IL22: variants seen among roughly 807,000 people sequenced by gnomAD.
IL22 encodes the protein interleukin 22.
In IL22, 15 loss-of-function variants were observed where a neutral mutation model predicts 15.5. The ratio of observed to expected loss-of-function variants is 0.97; its 90% confidence interval spans 0.65 to 1.49. The LOEUF (loss-of-function observed/expected upper bound fraction) is 1.49, where lower values mean the gene tolerates loss of function less well. Ranked by LOEUF, IL22 falls within the 40% of genes most tolerant of loss-of-function variation. IL22 has a pLI of 0.00. For missense variants in IL22, 225 were observed against 215.4 expected, an observed-to-expected ratio of 1.04 and a Z score of -0.28; for synonymous variants, 91 against 82.0, an observed-to-expected ratio of 1.11 and a Z score of -0.60.
At chr12:68,250,217 C>T (rs1869880246) in intron 5 of IL22, among the ~76,000 whole-genome samples, 1 of 152,208 alleles carries the variant, frequency 6.6e-6, no homozygotes, top group South Asian at 2.1e-4. Flanking sequence ...GAAAATCACA[C>T]AGATCACCAT....
At position 68,251,559 on chromosome 12, in the gene IL22, A is replaced by G. The variant is rs1180003778; in HGVS notation, c.416T>C (p.Leu139Pro). Reference protein sequence around the residue: ...LSTCHIEGDDLHIQRNVQKLK... With the variant: ...LSTCHIEGDDPHIQRNVQKLK... ...CTTTTGCACATTCCTCTGGATATGC[A>G]GGTCATCACCTTCAATATGCTATAA... is the stretch of plus-strand genomic sequence containing the variant. The change falls in exon 5 of 6, where the codon CTG becomes CCG. Residue 139 changes from leucine to proline, a missense_variant. Coordinates refer to ENST00000538666, the MANE Select transcript of IL22 (RefSeq NM_020525.5). 5.0e-6 allele frequency: 8 copies of G among 1,612,346 alleles called. No individual in the cohort carries two copies. In the African/African-American group the frequency reaches 1.1e-4, roughly 22 times the overall value.
At position 68,253,346 on chromosome 12, in the gene IL22, G is replaced by A; in HGVS notation, c.103C>T (p.Pro35Ser). Residue 35 changes from proline to serine, a missense_variant, in exon 2 of 6, where the codon CCC becomes TCC. Physicochemically the swap from Pro to Ser is moderately conservative, Grantham distance 74. Transcript: ENST00000538666. ...ALLVQGGAAA[P>S]ISSHCRLDKS... ...TCAAGCCTGCAGTGGGAGCTGATGG[G>A]CGCAGCTGCTCCTCCCTGTACCAAG... 6.2e-7 allele frequency: 1 copy of A among 1,613,856 alleles called. No individual in the cohort carries two copies. The highest frequency in any genetic ancestry group is 1.1e-5 in the South Asian group (1 of 91,062).
At chr12:68,252,381 C>A (rs1049228162) in intron 4 of IL22, 123 bp downstream of exon 4, 11 of 950,048 alleles carry the variant, frequency 1.2e-5, no homozygotes, top group African/African-American at 1.6e-5. Flanking sequence ...GATAACACTG[C>A]TGCCAAGACA....
chr12:68,251,808 C>A (rs1354471895), intron 4 of IL22, among the ~76,000 whole-genome samples: 1 of 152,032 alleles, frequency 6.6e-6, no homozygotes, highest in Non-Finnish European at 1.5e-5. Flanking sequence ...TTTGGGAAAT[C>A]CTACTGAGGT....
chr12:68,249,188 A>G (rs1184415259), intron 5 of IL22, among the ~76,000 whole-genome samples: 1 of 152,160 alleles, frequency 6.6e-6, no homozygotes, highest in Non-Finnish European at 1.5e-5. Flanking sequence ...TGAGGCTGGG[A>G]TCTGGGGGAT....
At chr12:68,251,980 C>T (rs1869946998) in intron 4 of IL22, among the ~76,000 whole-genome samples, 1 of 152,150 alleles carries the variant, frequency 6.6e-6, no homozygotes. Context: ...TTTTACTGGG[C>T]CCACTCCACT....
chr12:68,251,549 C>T lies in IL22; in HGVS notation c.426G>A (p.Gln142=). ...TGTCCTTCAGCTTTTGCACATTCCT[C>T]TGGATATGCAGGTCATCACCTTCAA... ...CHIEGDDLHI[Q]RNVQKLKDTV... Residue 142 remains glutamine, a synonymous_variant, in exon 5 of 6, where the codon CAG becomes CAA. Transcript: ENST00000538666. The T allele has an allele frequency of 6.2e-7, 1 of 1,612,770 alleles. No homozygotes were observed. Among genetic ancestry groups the T allele is most frequent in the Non-Finnish European group, 8.5e-7 (1 of 1,178,814 alleles).
rs1364581078 is a variant in IL22 at position 68,248,816 on chromosome 12, T to C, written c.523A>G (p.Arg175Gly). The C allele has an allele frequency of 6.2e-7, 1 of 1,612,544 alleles. No individual in the cohort carries two copies. The highest frequency in any genetic ancestry group is 1.3e-5 in the African/African-American group (1 of 74,910). ...GELDLLFMSL[R>G]NACI The stretch of plus-strand genomic sequence containing the variant: ...TGCTCTGGTCAAATGCAGGCATTTC[T>C]CAGAGACATAAACAGCAAATCCAGT... Residue 175 changes from arginine to glycine, a missense_variant, in exon 6 of 6, where the codon AGA becomes GGA. Coordinates refer to ENST00000538666, the MANE Select transcript of IL22 (RefSeq NM_020525.5).
Position 68,252,846 on chromosome 12 carries a change from G to C in IL22, c.187-17C>G. The stretch of plus-strand genomic sequence containing the variant: ...CAAGCTAGCCTGGAAGAGAAGAAAA[G>C]ACTAAGGGTCTGGACATTGAGCAAA... On this transcript the variant is annotated splice_polypyrimidine_tract_variant and intron_variant, in intron 2 of 5. Transcript: ENST00000538666. The C allele has an allele frequency of 6.2e-7, 1 of 1,611,478 alleles. No individual in the cohort carries two copies.
chr12:68,252,563 G>T lies in IL22; in HGVS notation c.337C>A (p.Pro113Thr). 1 of 1,614,038 alleles carries T rather than the reference G, an allele frequency of 6.2e-7. No individual in the cohort carries two copies. Among genetic ancestry groups the T allele is most frequent in the East Asian group, 2.2e-5 (1 of 44,876 alleles). Residue 113 changes from proline to threonine, a missense_variant, in exon 4 of 6, where the codon CCT becomes ACT. Pro to Thr is a conservative substitution (Grantham distance 38). Coordinates refer to ENST00000538666, the MANE Select transcript of IL22 (RefSeq NM_020525.5). ...AAGGGCACCACCTCCTGCATATAAG[G>T]CTGGAACCTATCAGATTGAGGGAAC... ...VLFPQSDRFQ[P>T]YMQEVVPFLA...
Position 68,248,733 on chromosome 12 carries a change from G to T in IL22, c.*66C>A. ...CTTTTGGTTAAAAAAAATCGCTTTG[G>T]GGCATCTAATTGTTATTTCTAGCAG... On this transcript the variant is annotated 3_prime_UTR_variant, in exon 6 of 6. Transcript: ENST00000538666. 1 of 1,307,928 alleles carries T rather than the reference G, an allele frequency of 7.6e-7. No homozygotes were observed. The highest frequency in any genetic ancestry group is 1.3e-5 in the South Asian group (1 of 79,170). The allele number at this position is 1,307,928 out of a possible 1,614,324, so 81.0% of individuals were successfully genotyped here. A position where few individuals can be genotyped will look rare whatever the true frequency, so the allele number is the denominator to read the frequency against.
At chr12:68,250,179 G>T (rs2227501) in intron 5 of IL22, among the ~76,000 whole-genome samples, 18,706 of 152,178 alleles carry the variant, frequency 0.12, 1,393 homozygotes, top group Middle Eastern at 0.17. Context: ...ATATGAAATT[G>T]ATTCTTTCAA....
At position 68,252,605 on chromosome 12, in the gene IL22, T is replaced by A; in HGVS notation, c.295A>T (p.Thr99Ser). The part of the protein sequence containing the change: ...CYLMKQVLNF[T>S]LEEVLFPQSD... The stretch of plus-strand genomic sequence containing the variant: ...TGAGGGAACAGCACTTCTTCAAGGG[T>A]GAAGTTCAGCACCTGCTTCATCAGA... The change falls in exon 4 of 6, where the codon ACC becomes TCC. Residue 99 changes from threonine (T) to serine (S), a missense_variant. Coordinates refer to ENST00000538666, the MANE Select transcript of IL22 (RefSeq NM_020525.5). 1 of 1,613,850 alleles carries A rather than the reference T, an allele frequency of 6.2e-7. No homozygotes were observed. Among genetic ancestry groups the A allele is most frequent in the Non-Finnish European group, 8.5e-7 (1 of 1,179,892 alleles).
rs546436547 is a variant in IL22, at chr12:68,248,865, A to T, written c.474T>A (p.Ser158Arg). Residue 158 changes from serine to arginine, a missense_variant, in exon 6 of 6, where the codon AGT (serine) becomes AGA (arginine). Ser to Arg is a moderately radical substitution (Grantham distance 110). Coordinates refer to ENST00000538666, the MANE Select transcript of IL22 (RefSeq NM_020525.5). ...GTTCTCCAATTGCTTTGATCTCTCCACTCTCTCCAAGCTGTGAAAATAAGA... is the reference window on the plus strand; with the variant it reads ...GTTCTCCAATTGCTTTGATCTCTCCTCTCTCTCCAAGCTGTGAAAATAAGA... ...LKDTVKKLGE[S>R]GEIKAIGELD... The T allele has an allele frequency of 1.9e-6, 3 of 1,612,094 alleles. No homozygotes were observed. In the Admixed American group the frequency reaches 5.0e-5, roughly 27 times the overall value.
chr12:68,251,627 T>C, intron 4 of IL22, 49 bp from the exon 5 acceptor site: 1 of 1,371,334 alleles, frequency 7.3e-7, no homozygotes, highest in African/African-American at 1.4e-5. Context: ...GCTGAAACTT[T>C]ATGAACCTCC....
At chr12:68,251,766 G>A (rs766272153) in intron 4 of IL22, among the ~76,000 whole-genome samples, 188 bp from the exon 5 acceptor site, 10 of 152,156 alleles carry the variant, frequency 6.6e-5, no homozygotes, top group Non-Finnish European at 1.3e-4. Context: ...CCAGAATCCA[G>A]TCACTTCCCT....
intron 2 of IL22, 28 bp downstream of exon 2, chr12:68,253,235 C>A (rs753009899): frequency 3.8e-6 from 6 of 1,578,440 alleles, no homozygotes; most frequent in Non-Finnish European, 5.2e-6. Flanking sequence ...GTAGATCCAA[C>A]GAGAAAGAGC....
chr12:68,250,555 GTATT>G (rs1439801879), intron 5 of IL22, among the ~76,000 whole-genome samples: 1 of 152,210 alleles, frequency 6.6e-6, no homozygotes, highest in Non-Finnish European at 1.5e-5. Flanking sequence ...ATGTTTCTGA[GTATT>G]TAGTTGTACC....
intron 5 of IL22, among the ~76,000 whole-genome samples, chr12:68,249,825 G>C (rs146355996): frequency 5.3e-5 from 8 of 152,084 alleles, no homozygotes; most frequent in African/African-American, 7.2e-5. Context: ...TATAATACAT[G>C]GTTCTTCCTT....
Sources: allele counts gnomAD v4.1 joint callset (sites outside exome capture counted in the v4.1 genomes callset), GRCh38; gene constraint gnomAD v4.1.1; transcripts MANE v1.5; gene names NCBI Gene and HGNC (gene_info 2026-07-23, HGNC 2026-07-21).